Variants in TFEB observed in about 807,000 individuals in gnomAD.
The protein encoded by TFEB is T-cell transcription factor EB.
A neutral mutation model predicts 48.0 loss-of-function variants in TFEB; 12 were observed. The observed-to-expected ratio is 0.25, with a 90% CI of 0.16 to 0.40. The LOEUF is 0.40. Ranked by LOEUF, TFEB falls within the 10% of genes least tolerant of loss-of-function variation. The pLI, the probability that TFEB is intolerant of heterozygous loss-of-function variation, is 1.00. For synonymous variants in TFEB, 244 were observed against 261.4 expected (o/e 0.93, Z 0.64); for missense variants, 509 against 640.3 (o/e 0.79, Z 2.21).
intron 1 of TFEB, among the ~76,000 whole-genome samples, chr6:41,694,077 C>T (rs927571853): frequency 3.3e-5 from 5 of 152,140 alleles, no homozygotes; most frequent in African/African-American, 1.2e-4. Flanking sequence ...CAGTGCCAGC[C>T]GGCACAGGGA....
chr6:41,693,127 T>A (rs555906090), intron 1 of TFEB, among the ~76,000 whole-genome samples: 1 of 152,128 alleles, frequency 6.6e-6, no homozygotes, highest in Admixed American at 6.5e-5. Context: ...CAGAGCTGTG[T>A]CTCAAGCTCC....
At chr6:41,726,768 A>G (rs1242483617) in intron 1 of TFEB, among the ~76,000 whole-genome samples, 2 of 152,176 alleles carry the variant, frequency 1.3e-5, no homozygotes, top group Non-Finnish European at 2.9e-5. Flanking sequence ...TATTTACTAC[A>G]TTATATGTGT....
chr6:41,719,772 C>T (rs1770899281), intron 1 of TFEB, among the ~76,000 whole-genome samples: 1 of 152,304 alleles, frequency 6.6e-6, no homozygotes, highest in East Asian at 1.9e-4. Context: ...TGAGGACCCA[C>T]AGCTAGAAAG....
chr6:41,714,175 GTGTGTGTGCATGTGCATGCA>G (rs1195831228), intron 1 of TFEB, among the ~76,000 whole-genome samples: 7 of 98,804 alleles, frequency 7.1e-5, no homozygotes, highest in Non-Finnish European at 9.8e-5. Flanking sequence ...GCATGTGTGC[GTGTGTGTGCATGTGCATGCA>G]TGTGCGTGCA....
At chr6:41,718,186 T>G (rs1016933968) in intron 1 of TFEB, among the ~76,000 whole-genome samples, 3 of 105,888 alleles carry the variant, frequency 2.8e-5, no homozygotes, top group East Asian at 3.1e-4. Context: ...TTTGGGGGTG[T>G]TTTTTTTTGT....
Position 41,688,034 on chromosome 6 carries a change from G to T in TFEB, c.550-6C>A. On this transcript the variant is annotated splice_polypyrimidine_tract_variant and splice_region_variant and intron_variant, in intron 4 of 8. Coordinates refer to ENST00000373033, the MANE Select transcript of TFEB (RefSeq NM_001271944.2). The stretch of plus-strand genomic sequence containing the variant: ...TGGCTGCTGGACAGGGGTAGCTGTG[G>T]GGTAGGGGGTGAGGGAGACCCATGA... The T allele has an allele frequency of 1.2e-6, 2 of 1,607,580 alleles. No homozygotes were observed. The highest frequency in any genetic ancestry group is 1.7e-6 in the Non-Finnish European group (2 of 1,175,784).
intron 1 of TFEB, among the ~76,000 whole-genome samples, chr6:41,697,223 C>G (rs1402102272): frequency 1.3e-5 from 2 of 151,898 alleles, no homozygotes; most frequent in Non-Finnish European, 2.9e-5. Flanking sequence ...GCCTGGGCAA[C>G]ACGGTGAAAC....
At chr6:41,704,748 C>A (rs566761043) in intron 1 of TFEB, among the ~76,000 whole-genome samples, 1 of 152,322 alleles carries the variant, frequency 6.6e-6, no homozygotes, top group East Asian at 1.9e-4. Context: ...GAGAACACAG[C>A]AGGGAAGCAC....
intron 1 of TFEB, among the ~76,000 whole-genome samples, chr6:41,710,952 A>G (rs796205259): frequency 1.1e-4 from 17 of 152,384 alleles, no homozygotes; most frequent in African/African-American, 4.1e-4. Context: ...TGAAACAGGA[A>G]TACAAGGATG....
chr6:41,707,025 C>T (rs1398529709), intron 1 of TFEB, among the ~76,000 whole-genome samples: 1 of 152,182 alleles, frequency 6.6e-6, no homozygotes, highest in Non-Finnish European at 1.5e-5. Context: ...TTCTCTTCCA[C>T]TCATCTGGGC....
At chr6:41,690,610 C>G in intron 3 of TFEB, 53 bp downstream of exon 3, 1 of 1,473,364 alleles carries the variant, frequency 6.8e-7, no homozygotes. Context: ...AGAAGCACAG[C>G]AGTGGGCACG....
At chr6:41,689,875 T>TG (rs1348149762) in intron 3 of TFEB, 64 bp from the exon 4 acceptor site, 1 of 1,351,532 alleles carries the variant, frequency 7.4e-7, no homozygotes, top group Non-Finnish European at 1.1e-6. Flanking sequence ...AAAGAGGCAT[T>TG]GGGACAACCA....
chr6:41,697,873 G>A (rs1349398627), intron 1 of TFEB, among the ~76,000 whole-genome samples: 1 of 152,100 alleles, frequency 6.6e-6, no homozygotes, highest in Non-Finnish European at 1.5e-5. Context: ...TATAAAATCT[G>A]ATCATCACAA....
rs185759147 is a variant in TFEB, at chr6:41,715,550, A to G, written c.-23+19800T>C. On this transcript the variant is annotated intron_variant, in intron 1 of 8. Transcript: ENST00000373033. ...CCGGGTGTGGTGGCGGATGCCTGTA[A>G]TCCCAGCTACTCGGGAGACTGAGGC... 1.3e-3 allele frequency among the ~76,000 whole-genome samples: 194 copies of G among 152,142 alleles called. 1 individual carries two copies. Among genetic ancestry groups the G allele is most frequent in the African/African-American group, 4.2e-3 (174 of 41,516 alleles).
At chr6:41,728,246 G>T (rs1771294101) in intron 1 of TFEB, among the ~76,000 whole-genome samples, 1 of 152,240 alleles carries the variant, frequency 6.6e-6, no homozygotes. Context: ...CACCCGCCCT[G>T]CTTGGCCAGC....
chr6:41,733,938 G>A (rs534819307), intron 1 of TFEB: 11 of 962,800 alleles, frequency 1.1e-5, no homozygotes, highest in Non-Finnish European at 1.4e-5. Flanking sequence ...ATGGAATCTC[G>A]GCCAGGGCGG....
chr6:41,709,192 C>A (rs1055394247), intron 1 of TFEB, among the ~76,000 whole-genome samples: 6 of 152,224 alleles, frequency 3.9e-5, no homozygotes, highest in Non-Finnish European at 8.8e-5. Context: ...GAACTAGGCA[C>A]TGGTGACACC....
chr6:41,697,166 G>A (rs1769632241), intron 1 of TFEB, among the ~76,000 whole-genome samples: 1 of 151,738 alleles, frequency 6.6e-6, no homozygotes, highest in South Asian at 2.1e-4. Context: ...CCAGCACTTT[G>A]GCAGGCCGAG....
intron 1 of TFEB, among the ~76,000 whole-genome samples, chr6:41,695,441 C>CT (rs1454154857): frequency 2.0e-5 from 3 of 152,228 alleles, no homozygotes; most frequent in Non-Finnish European, 2.9e-5. Flanking sequence ...GGTCAATGTG[C>CT]TTTTCCTAAT....
Sources: gnomAD v4.1 joint callset for allele counts (sites outside exome capture counted in the v4.1 genomes callset) on GRCh38, gnomAD v4.1.1 for gene constraint, MANE v1.5 for transcripts, NCBI Gene and HGNC (gene_info 2026-07-23, HGNC 2026-07-21) for gene names.